The following WWP2 variants were observed in gnomAD, a reference collection of about 807,000 sequenced individuals.
The protein encoded by WWP2 is WW domain containing E3 ubiquitin protein ligase 2, also known as NEDD4-like E3 ubiquitin-protein ligase WWP2.
Under a neutral mutation model 121.0 loss-of-function variants are expected in WWP2, and 57 were observed. The ratio of observed to expected loss-of-function variants is 0.47; its 90% CI spans 0.38 to 0.59. WWP2 has a LOEUF of 0.59. Among genes scored for constraint, WWP2 ranks in the 20% least tolerant of loss-of-function variants. The pLI, the probability that WWP2 is intolerant of heterozygous loss-of-function variation, is 0.00. For missense variants in WWP2, 962 were observed against 1,158.9 expected, an observed-to-expected ratio of 0.83 and a Z score of 2.47; for synonymous variants, 449 against 441.3, an observed-to-expected ratio of 1.02 and a Z score of -0.22.
At chr16:69,778,394 G>T (rs538482804) in intron 1 of WWP2, among the ~76,000 whole-genome samples, 1 of 151,960 alleles carries the variant, frequency 6.6e-6, no homozygotes, top group East Asian at 1.9e-4. Flanking sequence ...CAGAGTTTTG[G>T]AGTGATTAGG....
At chr16:69,822,105 G>A (rs138907460) in intron 4 of WWP2, among the ~76,000 whole-genome samples, 1,626 of 152,130 alleles carry the variant, frequency 0.011, 25 homozygotes, top group Middle Eastern at 0.02. Flanking sequence ...GGGCTCAAGC[G>A]ATCCTTCCAC....
In WWP2 at chr16:69,917,868, A is replaced by G; in HGVS notation, c.1164A>G (p.Gln388=). Residue 388 remains glutamine, a synonymous_variant, in exon 10 of 24, where the codon CAA becomes CAG. Transcript: ENST00000359154. ...AGGGGGCCATGCAGCACTTCAGCCAAAGATTCCTCTACCAGGTGAGAGGGC... is the reference window on the plus strand; with the variant it reads ...AGGGGGCCATGCAGCACTTCAGCCAGAGATTCCTCTACCAGGTGAGAGGGC... ...QLQGAMQHFS[Q]RFLYQSSSAS... The G allele has an allele frequency of 6.2e-7, 1 of 1,611,880 alleles. No individual in the cohort carries two copies. The highest frequency in any genetic ancestry group is 8.5e-7 in the Non-Finnish European group (1 of 1,178,082).
In WWP2 at chr16:69,818,784, A is replaced by G. The variant is rs7195843; in HGVS notation, c.340+19489A>G. On this transcript the variant is annotated intron_variant, in intron 4 of 23. Transcript: ENST00000359154. ...TCGTTTTTCTCTTCCCCAGTCTGCA[A>G]ACATGGGGGTGCTCCATGGTGGCTT... 6.5e-3 allele frequency among the ~76,000 whole-genome samples: 996 copies of G among 152,250 alleles called. 11 individuals are homozygous for G. The highest frequency in any genetic ancestry group is 0.022 in the African/African-American group (923 of 41,556).
At chr16:69,857,169 T>A (rs914810946) in intron 6 of WWP2, among the ~76,000 whole-genome samples, 2 of 152,130 alleles carry the variant, frequency 1.3e-5, no homozygotes, top group Admixed American at 1.3e-4. Context: ...AGTGGCGCCA[T>A]CTCGGCTCAT....
At chr16:69,817,659 CTTTTTTTTTT>C (rs200998762) in intron 4 of WWP2, among the ~76,000 whole-genome samples, 12 of 119,954 alleles carry the variant, frequency 1.0e-4, no homozygotes, top group Non-Finnish European at 1.6e-4. Context: ...TTGTTAAACT[CTTTTTTTTTT>C]TTTTTTTTTT....
intron 4 of WWP2, among the ~76,000 whole-genome samples, chr16:69,835,683 T>C (rs1434949165): frequency 6.6e-6 from 1 of 152,230 alleles, no homozygotes; most frequent in Non-Finnish European, 1.5e-5. Context: ...ATCATGACAC[T>C]TTAATCCCCA....
intron 5 of WWP2, 121 bp downstream of exon 5, chr16:69,840,384 C>A: frequency 7.3e-7 from 1 of 1,371,258 alleles, no homozygotes; most frequent in Non-Finnish European, 1.0e-6. Flanking sequence ...CTCAGCCTGG[C>A]CCATAGCTAG....
chr16:69,866,053 C>T (rs2151909270), intron 6 of WWP2, among the ~76,000 whole-genome samples: 1 of 152,250 alleles, frequency 6.6e-6, no homozygotes, highest in East Asian at 1.9e-4. Flanking sequence ...TCTGACCTCG[C>T]ATCTCATCAT....
At chr16:69,901,875 C>T (rs535941345) in intron 8 of WWP2, among the ~76,000 whole-genome samples, 2 of 152,114 alleles carry the variant, frequency 1.3e-5, no homozygotes, top group South Asian at 2.1e-4. Context: ...CACTTGAACT[C>T]GGGAGATGGA....
Position 69,937,216 on chromosome 16 carries a change from A to G in WWP2, c.2216A>G (p.Tyr739Cys), listed in dbSNP as rs1039747502. 9 of 1,613,666 alleles carry G rather than the reference A, an allele frequency of 5.6e-6. No homozygotes were observed. Reference protein sequence around the residue: ...NEVAPLEWLRYFDEKELELML... With the variant: ...NEVAPLEWLRCFDEKELELML... Reference sequence around the variant, plus strand: ...GTGGCCCCGCTGGAGTGGCTGCGCTACTTTGACGAGAAAGAGCTGGAGGTG... The same window carrying G: ...GTGGCCCCGCTGGAGTGGCTGCGCTGCTTTGACGAGAAAGAGCTGGAGGTG... Residue 739 changes from tyrosine to cysteine, a missense_variant, in exon 20 of 24, where the codon TAC becomes TGC. Tyr to Cys is a radical substitution (Grantham distance 194). Around this residue, in one of 3 missense-constraint regions of WWP2, gnomAD observed 606 missense variants for 772.6 expected, o/e 0.78. Coordinates refer to ENST00000359154, the MANE Select transcript of WWP2 (RefSeq NM_001270454.2). This position sits in a 1 kb window ranked among gnomAD's most constrained non-coding sequence, Gnocchi z 6.6.
chr16:69,836,877 C>G (rs1241607154), intron 4 of WWP2, among the ~76,000 whole-genome samples: 1 of 152,130 alleles, frequency 6.6e-6, no homozygotes, highest in Non-Finnish European at 1.5e-5. Flanking sequence ...CAGCCCATCT[C>G]AGCCTCCCAA....
intron 8 of WWP2, 45 bp downstream of exon 8, chr16:69,888,294 CTG>C (rs2057963209): frequency 3.8e-6 from 6 of 1,580,094 alleles, no homozygotes; most frequent in Non-Finnish European, 5.2e-6. Context: ...TCCTCAAAGA[CTG>C]AGGCTCCTTT....
chr16:69,824,915 C>T (rs2056657691), intron 4 of WWP2, among the ~76,000 whole-genome samples: 1 of 151,878 alleles, frequency 6.6e-6, no homozygotes, highest in African/African-American at 2.4e-5. Flanking sequence ...GGATTACAGG[C>T]ATGCACAACC....
Position 69,783,009 on chromosome 16 carries a change from C to CTT in WWP2, c.-15-3969_-15-3968dup, listed in dbSNP as rs373297375. 405 of 121,976 alleles carry CTT rather than the reference C, an allele frequency of 3.3e-3. 1 individual carries two copies. Among genetic ancestry groups the CTT allele is most frequent in the East Asian group, 0.014 (58 of 4,180 alleles). The allele number at this position is 121,976 out of a possible 1,614,324, so 7.6% of individuals were successfully genotyped here. A position where few individuals can be genotyped will look rare whatever the true frequency, so the allele number is the denominator to read the frequency against. ...AATTCTCATATGAAGGGCTTTTGTCCTTTTTTTTTTTTTTTTTTTGAGATG... is the reference window on the plus strand; with the variant it reads ...AATTCTCATATGAAGGGCTTTTGTCCTTTTTTTTTTTTTTTTTTTTTGAGATG... On this transcript the variant is annotated intron_variant, in intron 1 of 23. Coordinates refer to ENST00000359154, the MANE Select transcript of WWP2 (RefSeq NM_001270454.2).
intron 7 of WWP2, among the ~76,000 whole-genome samples, chr16:69,878,680 CATGTATCT>C (rs145696632): frequency 0.052 from 7,840 of 152,190 alleles, 260 homozygotes; most frequent in Middle Eastern, 0.11. Flanking sequence ...TACATGGTTT[CATGTATCT>C]ATGTGCTCTT....
intron 4 of WWP2, among the ~76,000 whole-genome samples, chr16:69,800,935 C>G (rs1206768873): frequency 6.7e-6 from 1 of 148,520 alleles, no homozygotes; most frequent in Non-Finnish European, 1.5e-5. Flanking sequence ...CCTGTAATCC[C>G]AGTACTTTGG....
At chr16:69,767,359 G>A (rs2038754794) in intron 1 of WWP2, among the ~76,000 whole-genome samples, 1 of 152,186 alleles carries the variant, frequency 6.6e-6, no homozygotes, top group Non-Finnish European at 1.5e-5. Context: ...GCTAAGAAAT[G>A]AAAGAGATGG....
intron 9 of WWP2, chr16:69,909,887 A>G (rs2058354554): frequency 9.1e-6 from 2 of 218,846 alleles, no homozygotes; most frequent in Non-Finnish European, 1.5e-5. Context: ...ATCTGTACAA[A>G]CTAGTCGGCA....
chr16:69,915,217 G>A (rs1327212146), intron 9 of WWP2, among the ~76,000 whole-genome samples: 4 of 152,128 alleles, frequency 2.6e-5, no homozygotes, highest in Non-Finnish European at 5.9e-5. Context: ...CCAGAAAAAA[G>A]AAAAAAGTTG....
Sources: allele counts gnomAD v4.1 joint callset (sites outside exome capture counted in the v4.1 genomes callset), GRCh38; gene constraint gnomAD v4.1.1; regional missense constraint gnomAD v4.1.1; non-coding constraint Gnocchi (gnomAD v3.1); transcripts MANE v1.5; gene names NCBI Gene and HGNC (gene_info 2026-07-23, HGNC 2026-07-21).